The following THSD4 variants were observed in gnomAD, a reference collection of about 807,000 sequenced individuals.
THSD4 encodes thrombospondin type 1 domain containing 4.
Under a neutral mutation model 119.0 loss-of-function variants are expected in THSD4, and 69 were observed. That is an observed-to-expected ratio of 0.58 (90% CI 0.48 to 0.71). The LOEUF is 0.71. THSD4 is among the 30% of genes least tolerant of loss of function. The probability of loss-of-function intolerance (pLI) is 0.00; values close to 1 mark genes in which losing one functional copy is unlikely to be tolerated. For missense variants in THSD4, 1,393 were observed against 1,391.1 expected (o/e 1.00, Z -0.02); for synonymous variants, 524 against 540.4 (o/e 0.97, Z 0.42).
intron 14 of THSD4, among the ~76,000 whole-genome samples, chr15:71,754,296 G>A (rs1042899787): frequency 6.6e-6 from 1 of 151,958 alleles, no homozygotes; most frequent in African/African-American, 2.4e-5. Flanking sequence ...CACTATGTTG[G>A]CCAGGCTGGT....
chr15:71,415,860 A>G (rs1277710858), intron 7 of THSD4, among the ~76,000 whole-genome samples: 1 of 152,058 alleles, frequency 6.6e-6, no homozygotes. Context: ...GCAGTGCTGC[A>G]ATCTTGGTTC....
intron 8 of THSD4, among the ~76,000 whole-genome samples, chr15:71,726,026 C>T (rs569889359): frequency 1.3e-5 from 2 of 152,148 alleles, no homozygotes; most frequent in Admixed American, 6.5e-5. Flanking sequence ...GTGATCTGCC[C>T]GCCTCAGCCT....
At chr15:71,767,484 T>C (rs1191035112) in intron 16 of THSD4, 1 of 152,210 alleles carries the variant, frequency 6.6e-6, no homozygotes, top group Non-Finnish European at 1.5e-5. Flanking sequence ...ATATGATGAT[T>C]GGGCATATAA....
At chr15:71,368,544 C>G (rs1374841479) in intron 6 of THSD4, among the ~76,000 whole-genome samples, 1 of 152,152 alleles carries the variant, frequency 6.6e-6, no homozygotes, top group Non-Finnish European at 1.5e-5. Context: ...AATAGGGAAT[C>G]CTTTCCCCAT....
chr15:71,558,732 A>T (rs1252279117), intron 7 of THSD4, among the ~76,000 whole-genome samples: 1 of 152,130 alleles, frequency 6.6e-6, no homozygotes, highest in Non-Finnish European at 1.5e-5. Context: ...TGGCCTCCCA[A>T]AGTGCTGGGA....
chr15:71,382,307 C>G (rs2046238746), intron 6 of THSD4, among the ~76,000 whole-genome samples: 1 of 152,108 alleles, frequency 6.6e-6, no homozygotes, highest in Non-Finnish European at 1.5e-5. Context: ...CTATTAAGAG[C>G]AGAAGCCAAT....
At chr15:71,284,596 A>T (rs760299445) in intron 6 of THSD4, among the ~76,000 whole-genome samples, 6 of 152,322 alleles carry the variant, frequency 3.9e-5, no homozygotes, top group African/African-American at 1.4e-4. Context: ...GACCCATGTA[A>T]ATAATTATCT....
intron 11 of THSD4, chr15:71,738,286 G>T (rs115113115): frequency 0.18 from 62,169 of 354,750 alleles, 6,169 homozygotes; most frequent in Non-Finnish European, 0.21. Context: ...AGAATGTAAC[G>T]CCACCACTGA....
intron 2 of THSD4, among the ~76,000 whole-genome samples, chr15:71,152,614 A>G (rs1010406187): frequency 1.9e-4 from 29 of 152,190 alleles, no homozygotes; most frequent in African/African-American, 7.0e-4. Flanking sequence ...ACTCACTGCC[A>G]TTGTGAATTC....
intron 7 of THSD4, among the ~76,000 whole-genome samples, chr15:71,467,126 G>T (rs566858428): frequency 6.6e-6 from 1 of 152,148 alleles, no homozygotes; most frequent in Non-Finnish European, 1.5e-5. Flanking sequence ...ACAACCTCAC[G>T]TGCTGCCTTT....
chr15:71,557,539 A>T (rs8029497), intron 7 of THSD4, among the ~76,000 whole-genome samples: 50,255 of 151,956 alleles, frequency 0.33, 8,628 homozygotes, highest in Non-Finnish European at 0.39. Context: ...AGGATTTTCT[A>T]TAATATAAAA....
intron 7 of THSD4, among the ~76,000 whole-genome samples, chr15:71,587,927 CT>C (rs754326926): frequency 6.6e-6 from 1 of 151,924 alleles, no homozygotes; most frequent in South Asian, 2.1e-4. Flanking sequence ...GAAGCTGGGA[CT>C]TTTGACTCAA....
At chr15:71,760,708 ATATT>A (rs767967332) in intron 15 of THSD4, among the ~76,000 whole-genome samples, 9 of 152,202 alleles carry the variant, frequency 5.9e-5, no homozygotes, top group Non-Finnish European at 8.8e-5. Flanking sequence ...TGCAATAGAT[ATATT>A]TATTCTCATC....
chr15:71,393,422 T>A (rs185408659), intron 6 of THSD4, among the ~76,000 whole-genome samples: 1 of 152,204 alleles, frequency 6.6e-6, no homozygotes, highest in East Asian at 1.9e-4. Context: ...CCAATGAGCC[T>A]TCATGCAGGA....
intron 8 of THSD4, among the ~76,000 whole-genome samples, chr15:71,664,582 T>G (rs2051377921): frequency 1.3e-5 from 2 of 152,212 alleles, no homozygotes; most frequent in South Asian, 4.1e-4. Flanking sequence ...TGGGGTTTTT[T>G]GTACAGATTG....
At chr15:71,113,322 A>C (rs1212514877), upstream of THSD4, among the ~76,000 whole-genome samples, 1 of 152,270 alleles carries the variant, frequency 6.6e-6, no homozygotes, top group Non-Finnish European at 1.5e-5. Flanking sequence ...CTAAGGAGCC[A>C]GCCTAGGTCT....
At chr15:71,608,233 A>AAC (rs1555431551) in intron 7 of THSD4, among the ~76,000 whole-genome samples, 2 of 61,244 alleles carry the variant, frequency 3.3e-5, no homozygotes, top group East Asian at 2.1e-3. Flanking sequence ...AAAAAAAAAA[A>AAC]AAAAATATAT....
rs532242484 is a variant in THSD4 at position 71,542,931 on chromosome 15, C to T, written c.1153-117599C>T. On this transcript the variant is annotated intron_variant, in intron 7 of 17. Coordinates refer to ENST00000261862, the MANE Select transcript of THSD4 (RefSeq NM_024817.3). ...AAATTGAAGGATAATCTAAAAAGTA[C>T]CTAAGCAGTAGTCCTGAAGAGCATC... Among the ~76,000 whole-genome samples, 7 of 151,332 alleles carry T rather than the reference C, an allele frequency of 4.6e-5. No individual in the cohort carries two copies. In the East Asian group the frequency reaches 7.7e-4, roughly 17 times the overall value.
intron 15 of THSD4, 127 bp from the exon 16 acceptor site, chr15:71,764,893 C>T (rs1258847819): frequency 1.6e-5 from 19 of 1,221,342 alleles, no homozygotes; most frequent in Non-Finnish European, 2.0e-5. Context: ...TCCAAGTTCT[C>T]CTGGGTTCTT....
Sources: gnomAD v4.1 joint callset for allele counts (sites outside exome capture counted in the v4.1 genomes callset) on GRCh38, gnomAD v4.1.1 for gene constraint, MANE v1.5 for transcripts, NCBI Gene and HGNC (gene_info 2026-07-23, HGNC 2026-07-21) for gene names.